RTL10: variants seen among roughly 807,000 people sequenced by gnomAD.
The protein encoded by RTL10 is retrotransposon Gag like 10, also known as protein Bop.
For synonymous variants in RTL10, 199 were observed against 188.4 expected, an observed-to-expected ratio of 1.06 and a Z score of -0.46; for missense variants, 477 against 470.7, an observed-to-expected ratio of 1.01 and a Z score of -0.12.
At position 19,852,279 on chromosome 22, in the gene RTL10, G is replaced by A; in HGVS notation, c.-18C>T. 6.3e-7 allele frequency: 1 copy of A among 1,584,516 alleles called. No homozygotes were observed. Among genetic ancestry groups the A allele is most frequent in the Non-Finnish European group, 8.6e-7 (1 of 1,164,214 alleles). On this transcript the variant is annotated 5_prime_UTR_variant, in exon 3 of 3. Transcript: ENST00000328554. Reference sequence around the variant, plus strand: ...CGAGGCATGCTGGGAGCACAGGGGAGAAGAGAGGAGAGCCAGCACTGGTGG... The same window carrying A: ...CGAGGCATGCTGGGAGCACAGGGGAAAAGAGAGGAGAGCCAGCACTGGTGG...
chr22:19,847,659 A>G lies in RTL10; in HGVS notation c.*3508T>C. The G allele has an allele frequency of 1.0e-6, 1 of 985,160 alleles. No homozygotes were observed. The highest frequency in any genetic ancestry group is 1.2e-6 in the Non-Finnish European group (1 of 829,706). The allele number at this position is 985,160 out of a possible 1,614,324, so 61.0% of individuals were successfully genotyped here. A position where few individuals can be genotyped will look rare whatever the true frequency, so the allele number is the denominator to read the frequency against. On this transcript the variant is annotated 3_prime_UTR_variant, in exon 3 of 3. Transcript: ENST00000328554. The stretch of plus-strand genomic sequence containing the variant: ...GGCAAGAGCCTTCATGCACCTAGCA[A>G]GTAGTCACAGCATGCATGTGCCTAG...
Position 19,849,341 on chromosome 22 carries a change from A to G in RTL10, c.*1826T>C. On this transcript the variant is annotated 3_prime_UTR_variant, in exon 3 of 3. Coordinates refer to ENST00000328554, the MANE Select transcript of RTL10 (RefSeq NM_024627.6). Reference sequence around the variant, plus strand: ...CCATAAAATAATCCCAACAATTTATATTTTTCTAAATAAGGTTTTTGTTTT... The same window carrying G: ...CCATAAAATAATCCCAACAATTTATGTTTTTCTAAATAAGGTTTTTGTTTT... 3.1e-6 allele frequency: 3 copies of G among 958,774 alleles called. No homozygotes were observed. The highest frequency in any genetic ancestry group is 3.7e-6 in the Non-Finnish European group (3 of 806,878). The allele number at this position is 958,774 out of a possible 1,614,324, so 59.4% of individuals were successfully genotyped here.
rs17745302 is a variant in RTL10, at chr22:19,851,915, C to T, written c.347G>A (p.Arg116His). ...TFDGSPWLLD[R>H]FLAQLGDYMS... Reference sequence around the variant, plus strand: ...GTAATCGCCCAGCTGGGCCAAGAAGCGGTCCAGTAGCCACGGGGAGCCATC... The same window carrying T: ...GTAATCGCCCAGCTGGGCCAAGAAGTGGTCCAGTAGCCACGGGGAGCCATC... The change falls in exon 3 of 3, where the codon CGC becomes CAC. Residue 116 changes from arginine (R) to histidine (H), a missense_variant. Coordinates refer to ENST00000328554, the MANE Select transcript of RTL10 (RefSeq NM_024627.6). 0.054 allele frequency: 86,837 copies of T among 1,614,012 alleles called. 2,584 individuals are homozygous for T. The highest frequency in any genetic ancestry group is 0.06 in the Non-Finnish European group (70,806 of 1,179,992).
chr22:19,847,733 T>C lies in RTL10; in HGVS notation c.*3434A>G. 1 of 977,526 alleles carries C rather than the reference T, an allele frequency of 1.0e-6. No individual in the cohort carries two copies. Among genetic ancestry groups the C allele is most frequent in the Non-Finnish European group, 1.2e-6 (1 of 828,492 alleles). The allele number at this position is 977,526 out of a possible 1,614,324, so 60.6% of individuals were successfully genotyped here. ...TTATTGTGTATTCCCACCAACAGTA[T>C]GAGAAGGTCCACTTCTCCATACCTC... On this transcript the variant is annotated 3_prime_UTR_variant, in exon 3 of 3. Transcript: ENST00000328554.
Position 19,846,903 on chromosome 22 carries a change from C to A in RTL10, c.*4264G>T. ...TAGCCTGCGGTCCTTTGTCAGGCAG[C>A]CCCAGCAGACAAACAGGTATGTTGC... On this transcript the variant is annotated 3_prime_UTR_variant, in exon 3 of 3. Coordinates refer to ENST00000328554, the MANE Select transcript of RTL10 (RefSeq NM_024627.6). 1.0e-6 allele frequency: 1 copy of A among 982,962 alleles called. No homozygotes were observed. Among genetic ancestry groups the A allele is most frequent in the Non-Finnish European group, 1.2e-6 (1 of 827,648 alleles). 60.9% of individuals were successfully genotyped at this position (982,962 alleles called of 1,614,324 possible). A position where few individuals can be genotyped will look rare whatever the true frequency, so the allele number is the denominator to read the frequency against.
chr22:19,847,377 G>A lies in RTL10; in HGVS notation c.*3790C>T, dbSNP rs1937984854. The A allele has an allele frequency of 1.0e-6, 1 of 985,428 alleles. No individual in the cohort carries two copies. Among genetic ancestry groups the A allele is most frequent in the Non-Finnish European group, 1.2e-6 (1 of 829,948 alleles). 61.0% of individuals were successfully genotyped at this position (985,428 alleles called of 1,614,324 possible). ...TTGCTCCTTTATTGCTGGATCTTTG[G>A]GCTTTTCCAGTTCTGCTGTTCAAAA... is the stretch of plus-strand genomic sequence containing the variant. On this transcript the variant is annotated 3_prime_UTR_variant, in exon 3 of 3. Transcript: ENST00000328554.
In RTL10 at chr22:19,847,309, G is replaced by C; in HGVS notation, c.*3858C>G. On this transcript the variant is annotated 3_prime_UTR_variant, in exon 3 of 3. Coordinates refer to ENST00000328554, the MANE Select transcript of RTL10 (RefSeq NM_024627.6). Reference sequence around the variant, plus strand: ...GATCTTTGTTACTGCAGCACAATCTGGCTCATGCTGACTGATCCTGCAGGG... The same window carrying C: ...GATCTTTGTTACTGCAGCACAATCTCGCTCATGCTGACTGATCCTGCAGGG... 1.0e-6 allele frequency: 1 copy of C among 984,962 alleles called. No individual in the cohort carries two copies. The highest frequency in any genetic ancestry group is 1.2e-6 in the Non-Finnish European group (1 of 829,496). 61.0% of individuals were successfully genotyped at this position (984,962 alleles called of 1,614,324 possible). A position where few individuals can be genotyped will look rare whatever the true frequency, so the allele number is the denominator to read the frequency against.
Position 19,848,388 on chromosome 22 carries a change from G to A in RTL10, c.*2779C>T. ...GGGGCCAGAAGAGAAAAACAACCCA[G>A]GGGGAATGCCTCCTTCCCCCAGCAG... On this transcript the variant is annotated 3_prime_UTR_variant, in exon 3 of 3. Coordinates refer to ENST00000328554, the MANE Select transcript of RTL10 (RefSeq NM_024627.6). 1.0e-6 allele frequency: 1 copy of A among 985,450 alleles called. No individual in the cohort carries two copies. The highest frequency in any genetic ancestry group is 1.1e-4 in the East Asian group (1 of 8,804). 61.0% of individuals were successfully genotyped at this position (985,450 alleles called of 1,614,324 possible). A position where few individuals can be genotyped will look rare whatever the true frequency, so the allele number is the denominator to read the frequency against.
At position 19,848,625 on chromosome 22, in the gene RTL10, C is replaced by A. The variant is rs7288631; in HGVS notation, c.*2542G>T. Reference sequence around the variant, plus strand: ...GAGCCCAACCACAATAAACAGGACGCGTTTTAATTAAAAACCAGGTCACCT... The same window carrying A: ...GAGCCCAACCACAATAAACAGGACGAGTTTTAATTAAAAACCAGGTCACCT... On this transcript the variant is annotated 3_prime_UTR_variant, in exon 3 of 3. Coordinates refer to ENST00000328554, the MANE Select transcript of RTL10 (RefSeq NM_024627.6). The A allele has an allele frequency of 1.2e-5, 12 of 985,154 alleles. No homozygotes were observed. In the African/African-American group the frequency reaches 1.2e-4, roughly 10 times the overall value. 61.0% of individuals were successfully genotyped at this position (985,154 alleles called of 1,614,324 possible).
Position 19,848,560 on chromosome 22 carries a change from G to A in RTL10, c.*2607C>T. On this transcript the variant is annotated 3_prime_UTR_variant, in exon 3 of 3. Coordinates refer to ENST00000328554, the MANE Select transcript of RTL10 (RefSeq NM_024627.6). ...TCCACCCTACCTGTGCAGGAAACCT[G>A]GACATCACCACTTCAAGGCCCTACC... 2.0e-6 allele frequency: 2 copies of A among 985,490 alleles called. No individual in the cohort carries two copies. Among genetic ancestry groups the A allele is most frequent in the Non-Finnish European group, 2.4e-6 (2 of 829,966 alleles). 61.0% of individuals were successfully genotyped at this position (985,490 alleles called of 1,614,324 possible).
chr22:19,849,003 A>G lies in RTL10; in HGVS notation c.*2164T>C. ...AGTGCACTGGAGGTAGGCATCAGGGAGCAGTCTGACCCAACCCACAAAAGG... is the reference window on the plus strand; with the variant it reads ...AGTGCACTGGAGGTAGGCATCAGGGGGCAGTCTGACCCAACCCACAAAAGG... On this transcript the variant is annotated 3_prime_UTR_variant, in exon 3 of 3. Coordinates refer to ENST00000328554, the MANE Select transcript of RTL10 (RefSeq NM_024627.6). The G allele has an allele frequency of 4.1e-6, 4 of 985,516 alleles. No homozygotes were observed. Among genetic ancestry groups the G allele is most frequent in the Non-Finnish European group, 4.8e-6 (4 of 830,016 alleles). The allele number at this position is 985,516 out of a possible 1,614,324, so 61.0% of individuals were successfully genotyped here. A position where few individuals can be genotyped will look rare whatever the true frequency, so the allele number is the denominator to read the frequency against.
Position 19,848,937 on chromosome 22 carries a change from C to G in RTL10, c.*2230G>C. Reference sequence around the variant, plus strand: ...CTAGGCTGTCCATCCTAGAGAGCAACTCTGGGTTCTACTGCCAGACCCACA... The same window carrying G: ...CTAGGCTGTCCATCCTAGAGAGCAAGTCTGGGTTCTACTGCCAGACCCACA... On this transcript the variant is annotated 3_prime_UTR_variant, in exon 3 of 3. Transcript: ENST00000328554. The G allele has an allele frequency of 1.0e-6, 1 of 985,518 alleles. No homozygotes were observed. The highest frequency in any genetic ancestry group is 1.2e-6 in the Non-Finnish European group (1 of 829,998). The allele number at this position is 985,518 out of a possible 1,614,324, so 61.0% of individuals were successfully genotyped here.
At position 19,847,945 on chromosome 22, in the gene RTL10, C is replaced by A. The variant is rs1169758196; in HGVS notation, c.*3222G>T. Reference sequence around the variant, plus strand: ...GCTTTACTATTTTCCAGAGGGCCAACTGCTTTTACTGAATAATCCATTTTA... The same window carrying A: ...GCTTTACTATTTTCCAGAGGGCCAAATGCTTTTACTGAATAATCCATTTTA... On this transcript the variant is annotated 3_prime_UTR_variant, in exon 3 of 3. Coordinates refer to ENST00000328554, the MANE Select transcript of RTL10 (RefSeq NM_024627.6). 2.0e-6 allele frequency: 2 copies of A among 985,084 alleles called. No individual in the cohort carries two copies. Among genetic ancestry groups the A allele is most frequent in the Non-Finnish European group, 2.4e-6 (2 of 829,834 alleles). The allele number at this position is 985,084 out of a possible 1,614,324, so 61.0% of individuals were successfully genotyped here.
Position 19,854,669 on chromosome 22 carries a change from G to A in RTL10, c.-332C>T, listed in dbSNP as rs1938194571. On this transcript the variant is annotated 5_prime_UTR_variant, in exon 1 of 3. Transcript: ENST00000328554. The stretch of plus-strand genomic sequence containing the variant: ...AACCCCCGGCGCGGACCGAGAAACT[G>A]AGGCCCGCAGACCGAAGGCACTGCG... 6.5e-6 allele frequency: 1 copy of A among 152,926 alleles called. No homozygotes were observed. The highest frequency in any genetic ancestry group is 2.1e-4 in the South Asian group (1 of 4,842). The allele number at this position is 152,926 out of a possible 1,614,324, so 9.5% of individuals were successfully genotyped here.
Position 19,851,178 on chromosome 22 carries a change from G to A in RTL10, c.1084C>T (p.Pro362Ser). ...CACCTGGGCTGTGTTCAGAACCCAG[G>A]AGAAAGTGGTGGCTCTCCTGGGGTC... ...PETPGEPPLS[P>S]GF Residue 362 changes from proline to serine, a missense_variant, in exon 3 of 3, where the codon CCT (proline) becomes TCT (serine). Pro to Ser is a moderately conservative substitution (Grantham distance 74). Transcript: ENST00000328554. The A allele has an allele frequency of 6.3e-7, 1 of 1,590,578 alleles. No homozygotes were observed. Among genetic ancestry groups the A allele is most frequent in the Non-Finnish European group, 8.6e-7 (1 of 1,167,660 alleles).
Position 19,850,164 on chromosome 22 carries a change from A to G in RTL10, c.*1003T>C, listed in dbSNP as rs1938060671. The G allele has an allele frequency of 3.0e-6, 3 of 985,402 alleles. No homozygotes were observed. The highest frequency in any genetic ancestry group is 3.6e-6 in the Non-Finnish European group (3 of 830,068). The allele number at this position is 985,402 out of a possible 1,614,324, so 61.0% of individuals were successfully genotyped here. ...GCTGCAATGCTGACCTGGAATGCTCATGGCCAGGCCTCTGCTCCTGACAGA... is the reference window on the plus strand; with the variant it reads ...GCTGCAATGCTGACCTGGAATGCTCGTGGCCAGGCCTCTGCTCCTGACAGA... On this transcript the variant is annotated 3_prime_UTR_variant, in exon 3 of 3. Coordinates refer to ENST00000328554, the MANE Select transcript of RTL10 (RefSeq NM_024627.6).
intron 2 of RTL10, among the ~76,000 whole-genome samples, chr22:19,853,771 T>G (rs1464084326): frequency 3.9e-5 from 6 of 151,976 alleles, no homozygotes; most frequent in Non-Finnish European, 1.5e-5. Flanking sequence ...CTTCCCACCT[T>G]ACTGCAGGAT....
chr22:19,847,883 G>C lies in RTL10; in HGVS notation c.*3284C>G. 1.0e-6 allele frequency: 1 copy of C among 974,352 alleles called. No homozygotes were observed. The highest frequency in any genetic ancestry group is 6.3e-5 in the Admixed American group (1 of 15,808). 60.4% of individuals were successfully genotyped at this position (974,352 alleles called of 1,614,324 possible). A position where few individuals can be genotyped will look rare whatever the true frequency, so the allele number is the denominator to read the frequency against. On this transcript the variant is annotated 3_prime_UTR_variant, in exon 3 of 3. Transcript: ENST00000328554. ...TTGTAACATTGAAATCTTTAATCTG[G>C]AATATGTACTGGCATAAAGAGTGAG...
chr22:19,847,150 C>T lies in RTL10; in HGVS notation c.*4017G>A. On this transcript the variant is annotated 3_prime_UTR_variant, in exon 3 of 3. Transcript: ENST00000328554. ...ACTTGTGGCCTGCTGTGGCCTTTCC[C>T]CTGCCTCAGTGAGCATGGAGAAATA... is the stretch of plus-strand genomic sequence containing the variant. 1.0e-6 allele frequency: 1 copy of T among 985,468 alleles called. No individual in the cohort carries two copies. The highest frequency in any genetic ancestry group is 1.2e-6 in the Non-Finnish European group (1 of 829,952). The allele number at this position is 985,468 out of a possible 1,614,324, so 61.0% of individuals were successfully genotyped here.
Sources: gnomAD v4.1 joint callset for allele counts (sites outside exome capture counted in the v4.1 genomes callset) on GRCh38, gnomAD v4.1.1 for gene constraint, MANE v1.5 for transcripts, NCBI Gene and HGNC (gene_info 2026-07-23, HGNC 2026-07-21) for gene names.